Variants in FNIP1 observed in about 807,000 individuals in gnomAD.
The protein encoded by FNIP1 is folliculin-interacting protein 1.
A neutral mutation model predicts 124.5 loss-of-function variants in FNIP1; 40 were observed. The ratio of observed to expected loss-of-function variants is 0.32; its 90% CI spans 0.25 to 0.42. The LOEUF is 0.42. FNIP1 is among the 10% of genes least tolerant of loss of function. FNIP1 has a pLI of 1.00. For synonymous variants in FNIP1, 472 were observed against 470.6 expected, an observed-to-expected ratio of 1.00 and a Z score of -0.04; for missense variants, 1,176 against 1,403.7, an observed-to-expected ratio of 0.84 and a Z score of 2.59.
chr5:131,793,285 T>C (rs956032506), intron 1 of FNIP1, among the ~76,000 whole-genome samples: 3 of 152,148 alleles, frequency 2.0e-5, no homozygotes, highest in Non-Finnish European at 4.4e-5. Context: ...CCTCCCGCCA[T>C]GGGCCTCCCA....
chr5:131,724,478 T>C (rs1769786602), intron 3 of FNIP1, among the ~76,000 whole-genome samples: 2 of 152,238 alleles, frequency 1.3e-5, no homozygotes, highest in African/African-American at 2.4e-5. Flanking sequence ...AGAGCTTTTT[T>C]TTCATGTTTG....
chr5:131,780,373 G>A (rs1457874795), intron 1 of FNIP1, among the ~76,000 whole-genome samples: 1 of 152,148 alleles, frequency 6.6e-6, no homozygotes, highest in Admixed American at 6.5e-5. Context: ...GTACCTTCAA[G>A]AATGGAGGAA....
chr5:131,689,423 T>C (rs1768400525), intron 11 of FNIP1, among the ~76,000 whole-genome samples: 1 of 152,186 alleles, frequency 6.6e-6, no homozygotes, highest in African/African-American at 2.4e-5. Flanking sequence ...TTATTCTAAA[T>C]TGACCTAATA....
chr5:131,764,756 T>G (rs867112645), intron 1 of FNIP1, among the ~76,000 whole-genome samples: 1 of 152,188 alleles, frequency 6.6e-6, no homozygotes, highest in Admixed American at 6.5e-5. Flanking sequence ...TTACTGTTTA[T>G]AGATAGTACT....
chr5:131,784,597 G>A (rs1294133579), intron 1 of FNIP1, among the ~76,000 whole-genome samples: 1 of 152,046 alleles, frequency 6.6e-6, no homozygotes, highest in Non-Finnish European at 1.5e-5. Flanking sequence ...AAAATGGGAG[G>A]ACTGTTTGAG....
rs749400521 is a variant in FNIP1, at chr5:131,706,384, T to C, written c.914+27A>G. The C allele has an allele frequency of 3.1e-6, 5 of 1,594,640 alleles. No homozygotes were observed. In the East Asian group the frequency reaches 9.0e-5, roughly 29 times the overall value. On this transcript the variant is annotated intron_variant, in intron 9 of 17. Coordinates refer to ENST00000510461, the MANE Select transcript of FNIP1 (RefSeq NM_133372.3). ...TTGTGTTTAAGGAACTACTCAATCT[T>C]GTTCTGTGTTTAAAGTTCCAACTTA...
chr5:131,770,761 C>A (rs191945016), intron 1 of FNIP1, among the ~76,000 whole-genome samples: 2 of 152,232 alleles, frequency 1.3e-5, no homozygotes, highest in Non-Finnish European at 2.9e-5. Context: ...CTCTTCAACC[C>A]TTAGAATGTG....
At chr5:131,690,482 C>T (rs1350802842) in intron 11 of FNIP1, among the ~76,000 whole-genome samples, 2 of 152,096 alleles carry the variant, frequency 1.3e-5, no homozygotes, top group Non-Finnish European at 2.9e-5. Flanking sequence ...ACTGAGTTCT[C>T]ATCAGATCTG....
intron 15 of FNIP1, among the ~76,000 whole-genome samples, chr5:131,661,578 T>G (rs1436386328): frequency 6.6e-6 from 1 of 152,192 alleles, no homozygotes; most frequent in Non-Finnish European, 1.5e-5. Flanking sequence ...ATAAAGAATG[T>G]TAATTTGATG....
rs563290294 is a variant in FNIP1, at chr5:131,712,268, T to C, written c.623-1607A>G. On this transcript the variant is annotated intron_variant, in intron 6 of 17. Coordinates refer to ENST00000510461, the MANE Select transcript of FNIP1 (RefSeq NM_133372.3). ...TCAAAAACCTCCTTCTATCAATTAC[T>C]ACTTCTAGTCTTTAATTTCATGCTC... 2.6e-5 allele frequency among the ~76,000 whole-genome samples: 4 copies of C among 152,322 alleles called. No individual in the cohort carries two copies. In the East Asian group the frequency reaches 7.7e-4, roughly 29 times the overall value.
Position 131,745,605 on chromosome 5 carries a change from G to GTA in FNIP1, c.93-917_93-916dup, listed in dbSNP as rs755182354. ...AAATTTATATATAAATTTAGTATGTGTATATATATGTGTGTGTATACATAC... is the reference window on the plus strand; with the variant it reads ...AAATTTATATATAAATTTAGTATGTGTATATATATATGTGTGTGTATACATAC... On this transcript the variant is annotated intron_variant, in intron 1 of 17. Coordinates refer to ENST00000510461, the MANE Select transcript of FNIP1 (RefSeq NM_133372.3). 7.9e-5 allele frequency among the ~76,000 whole-genome samples: 12 copies of GTA among 151,996 alleles called. No homozygotes were observed. In the South Asian group the frequency reaches 1.0e-3, roughly 13 times the overall value.
intron 13 of FNIP1, among the ~76,000 whole-genome samples, chr5:131,675,298 T>C (rs1767877684): frequency 6.6e-6 from 1 of 152,218 alleles, no homozygotes; most frequent in Non-Finnish European, 1.5e-5. Context: ...ATTTCTCTTA[T>C]AGTTCCTCCT....
chr5:131,733,397 G>A lies in FNIP1; in HGVS notation c.220-2359C>T, dbSNP rs1013451669. The stretch of plus-strand genomic sequence containing the variant: ...AGGAGTGGTGAGAGAGGGCATCCTT[G>A]TTTTGTGCCAGTTTTCAAAGGGAAT... On this transcript the variant is annotated intron_variant, in intron 2 of 17. Transcript: ENST00000510461. Among the ~76,000 whole-genome samples the A allele has an allele frequency of 1.4e-4, 21 of 152,132 alleles. 1 individual carries two copies. Among genetic ancestry groups the A allele is most frequent in the African/African-American group, 5.1e-4 (21 of 41,416 alleles).
intron 1 of FNIP1, among the ~76,000 whole-genome samples, chr5:131,772,247 T>A (rs1389450983): frequency 6.6e-6 from 1 of 152,068 alleles, no homozygotes; most frequent in Non-Finnish European, 1.5e-5. Context: ...GGGCTCGATG[T>A]GGGGGAGAAG....
chr5:131,766,363 C>T (rs1280181776), intron 1 of FNIP1, among the ~76,000 whole-genome samples: 1 of 151,980 alleles, frequency 6.6e-6, no homozygotes, highest in Non-Finnish European at 1.5e-5. Context: ...AAGCCCTGCC[C>T]CTACTTATCT....
At chr5:131,794,229 TAA>T (rs60617618) in intron 1 of FNIP1, among the ~76,000 whole-genome samples, 1,580 of 48,324 alleles carry the variant, frequency 0.033, 30 homozygotes, top group African/African-American at 0.11. Flanking sequence ...AGACTCCATC[TAA>T]AAAAAAAAAA....
At chr5:131,727,992 T>C (rs867390288) in intron 3 of FNIP1, among the ~76,000 whole-genome samples, 17 of 152,228 alleles carry the variant, frequency 1.1e-4, no homozygotes, top group South Asian at 4.1e-4. Flanking sequence ...TTTAAGAACG[T>C]TGAATATTGG....
Position 131,699,077 on chromosome 5 carries a change from CAG to C in FNIP1, c.1117-77_1117-76del, listed in dbSNP as rs1580765606. ...AACATGGAAAAAAGTCTTTTTTAGA[CAG>C]AGTCACATATTTACACAACGCTCTA... On this transcript the variant is annotated intron_variant, in intron 10 of 17. Coordinates refer to ENST00000510461, the MANE Select transcript of FNIP1 (RefSeq NM_133372.3). 7 of 1,152,850 alleles carry C rather than the reference CAG, an allele frequency of 6.1e-6. No individual in the cohort carries two copies. The East Asian group carries it at 1.3e-4, about 21-fold the overall frequency. The allele number at this position is 1,152,850 out of a possible 1,614,324, so 71.4% of individuals were successfully genotyped here. A position where few individuals can be genotyped will look rare whatever the true frequency, so the allele number is the denominator to read the frequency against.
intron 13 of FNIP1, among the ~76,000 whole-genome samples, chr5:131,676,504 TC>T (rs1367863220): frequency 6.6e-6 from 1 of 152,010 alleles, no homozygotes; most frequent in African/African-American, 2.4e-5. Context: ...ATGCTTGTAA[TC>T]CCAGCACCTT....
Sources: gnomAD v4.1 joint callset for allele counts (sites outside exome capture counted in the v4.1 genomes callset) on GRCh38, gnomAD v4.1.1 for gene constraint, MANE v1.5 for transcripts, NCBI Gene and HGNC (gene_info 2026-07-23, HGNC 2026-07-21) for gene names.